FARP1: variants seen among roughly 807,000 people sequenced by gnomAD.
The protein encoded by FARP1 is FERM, ARH/RhoGEF and pleckstrin domain protein 1.
A neutral mutation model predicts 128.8 loss-of-function variants in FARP1; 52 were observed. That is an observed-to-expected ratio of 0.40 (90% CI 0.32 to 0.51). FARP1 has a LOEUF of 0.51. Ranked by LOEUF, FARP1 falls within the 20% of genes least tolerant of loss-of-function variation. The pLI, the probability that FARP1 is intolerant of heterozygous loss-of-function variation, is 0.45. For missense variants in FARP1, 1,333 were observed against 1,367.9 expected (o/e 0.97, Z 0.40); for synonymous variants, 580 against 551.8 (o/e 1.05, Z -0.72).
At chr13:98,415,418 T>C (rs549676853) in intron 16 of FARP1, among the ~76,000 whole-genome samples, 48 of 152,264 alleles carry the variant, frequency 3.2e-4, no homozygotes, top group African/African-American at 1.1e-3. Context: ...CTACAAGCAA[T>C]GCATGAAGGA....
intron 1 of FARP1, among the ~76,000 whole-genome samples, chr13:98,171,683 A>G (rs2139165830): frequency 6.6e-6 from 1 of 152,354 alleles, no homozygotes; most frequent in African/African-American, 2.4e-5. Context: ...TAATCATACC[A>G]GAGCTACATT....
At chr13:98,448,041 A>C (rs527425822) in intron 26 of FARP1, 195 bp from the exon 27 acceptor site, 7 of 602,122 alleles carry the variant, frequency 1.2e-5, no homozygotes, top group Admixed American at 8.6e-5. Flanking sequence ...ACACTGAGTG[A>C]GTGCCCAGGC....
At chr13:98,372,132 G>A (rs1889366214) in intron 5 of FARP1, among the ~76,000 whole-genome samples, 1 of 140,538 alleles carries the variant, frequency 7.1e-6, no homozygotes, top group African/African-American at 2.7e-5. Flanking sequence ...TGTCGCCCAG[G>A]CTGGAGTGCA....
At chr13:98,254,297 G>A (rs1433362939) in intron 2 of FARP1, among the ~76,000 whole-genome samples, 4 of 152,146 alleles carry the variant, frequency 2.6e-5, no homozygotes, top group Non-Finnish European at 4.4e-5. Flanking sequence ...TCTTAGCTCC[G>A]CTCTTAAAAA....
chr13:98,248,596 C>T (rs1302681087), intron 2 of FARP1, among the ~76,000 whole-genome samples: 2 of 152,102 alleles, frequency 1.3e-5, no homozygotes, highest in African/African-American at 2.4e-5. Flanking sequence ...TTTGTGAATC[C>T]ACCTACTCCC....
intron 1 of FARP1, chr13:98,204,136 A>G (rs1033521462): frequency 2.0e-5 from 3 of 152,230 alleles, no homozygotes; most frequent in Non-Finnish European, 2.9e-5. Flanking sequence ...CCCTAGCCCA[A>G]TGAACCCTGA....
At chr13:98,252,251 A>G (rs1229061426) in intron 2 of FARP1, among the ~76,000 whole-genome samples, 1 of 152,176 alleles carries the variant, frequency 6.6e-6, no homozygotes, top group African/African-American at 2.4e-5. Flanking sequence ...CAAAATGCCC[A>G]TTTGCATTTT....
chr13:98,437,350 G>A (rs1176020392), intron 19 of FARP1, among the ~76,000 whole-genome samples: 3 of 152,194 alleles, frequency 2.0e-5, no homozygotes, highest in Non-Finnish European at 2.9e-5. Flanking sequence ...GCTCCGTGTC[G>A]CAGGTGATCA....
intron 24 of FARP1, among the ~76,000 whole-genome samples, chr13:98,443,604 CG>C (rs1892622306): frequency 6.6e-6 from 1 of 152,168 alleles, no homozygotes; most frequent in Non-Finnish European, 1.5e-5. Context: ...GAGGAAGGGG[CG>C]TATCTGGGGA....
Position 98,222,086 on chromosome 13 carries a change from G to A in FARP1, c.171+8673G>A, listed in dbSNP as rs117820492. Among the ~76,000 whole-genome samples the A allele has an allele frequency of 4.2e-4, 64 of 152,288 alleles. No individual in the cohort carries two copies. The East Asian group carries it at 0.012, about 28-fold the overall frequency. On this transcript the variant is annotated intron_variant, in intron 2 of 26. Coordinates refer to ENST00000319562, the MANE Select transcript of FARP1 (RefSeq NM_005766.4). ...GTAGATAGAATGATCATGTAAAAGA[G>A]CAGTTCTCAAAGCTGTTAGCACTTT...
At chr13:98,253,988 G>A (rs1440013985) in intron 2 of FARP1, among the ~76,000 whole-genome samples, 3 of 152,162 alleles carry the variant, frequency 2.0e-5, no homozygotes, top group Admixed American at 1.3e-4. Context: ...GGGGCTCATC[G>A]CATAGTTATA....
chr13:98,198,808 G>A (rs1416100035), intron 1 of FARP1, among the ~76,000 whole-genome samples: 1 of 139,940 alleles, frequency 7.1e-6, no homozygotes, highest in Middle Eastern at 3.9e-3. Flanking sequence ...AACCCAGGAG[G>A]CCAAGATTGC....
At chr13:98,235,983 A>G (rs1006769529) in intron 2 of FARP1, among the ~76,000 whole-genome samples, 1 of 151,940 alleles carries the variant, frequency 6.6e-6, no homozygotes, top group African/African-American at 2.4e-5. Context: ...CCCACTACAC[A>G]CAACTAATTT....
At chr13:98,256,957 A>ATATATATATATATATATG (rs71111938) in intron 2 of FARP1, among the ~76,000 whole-genome samples, 11 of 83,818 alleles carry the variant, frequency 1.3e-4, no homozygotes, top group Non-Finnish European at 8.6e-5. Flanking sequence ...GGATATATAT[A>ATATATATATATATATATG]TATATATATA....
intron 2 of FARP1, chr13:98,244,999 T>C: frequency 8.8e-7 from 1 of 1,141,534 alleles, no homozygotes; most frequent in South Asian, 3.1e-5. Flanking sequence ...TAGGGGAAGA[T>C]TCATTTCTAT....
chr13:98,301,583 G>A (rs973322828), intron 2 of FARP1, among the ~76,000 whole-genome samples: 1 of 152,084 alleles, frequency 6.6e-6, no homozygotes, highest in Non-Finnish European at 1.5e-5. Flanking sequence ...CCTGGGACTT[G>A]GATTGTTGAA....
intron 13 of FARP1, chr13:98,405,392 A>T (rs1380802260): frequency 6.6e-6 from 1 of 152,222 alleles, no homozygotes; most frequent in Non-Finnish European, 1.5e-5. Flanking sequence ...GAGAATGTGT[A>T]CATTTGAAAG....
chr13:98,446,877 C>A, intron 26 of FARP1, 60 bp downstream of exon 26: 2 of 1,573,494 alleles, frequency 1.3e-6, no homozygotes, highest in South Asian at 1.1e-5. Context: ...TTCCAAACAT[C>A]AGGATTTCTC....
intron 2 of FARP1, among the ~76,000 whole-genome samples, chr13:98,236,922 GT>G (rs1428646776): frequency 3.9e-5 from 6 of 152,146 alleles, no homozygotes; most frequent in African/African-American, 7.2e-5. Context: ...AACCCAGGAG[GT>G]GGAGGCTGCC....
Sources: gnomAD v4.1 joint callset for allele counts (sites outside exome capture counted in the v4.1 genomes callset) on GRCh38, gnomAD v4.1.1 for gene constraint, MANE v1.5 for transcripts, NCBI Gene and HGNC (gene_info 2026-07-23, HGNC 2026-07-21) for gene names.